Variants in CEP164 observed in about 807,000 individuals in gnomAD.
CEP164 encodes centrosomal protein 164.
CEP164 carries 162 observed loss-of-function variants against 182.7 expected under a neutral mutation model. That is an observed-to-expected ratio of 0.89 (90% CI 0.78 to 1.01). The LOEUF (loss-of-function observed/expected upper bound fraction) is 1.01, where lower values mean the gene tolerates loss of function less well. Among genes scored for constraint, CEP164 ranks in the 50% least tolerant of loss-of-function variants. CEP164 has a pLI of 0.00. For synonymous variants in CEP164, 661 were observed against 690.0 expected (o/e 0.96, Z 0.66); for missense variants, 1,735 against 1,790.4 (o/e 0.97, Z 0.56).
chr11:117,382,726 A>G (rs566780033), intron 13 of CEP164, 70 bp from the exon 14 acceptor site: 4 of 1,547,156 alleles, frequency 2.6e-6, no homozygotes, highest in Non-Finnish European at 3.5e-6. Context: ...TTTGACCCCA[A>G]ATGGCGTACA....
chr11:117,356,983 A>G (rs756929476), intron 5 of CEP164, among the ~76,000 whole-genome samples: 2 of 152,138 alleles, frequency 1.3e-5, no homozygotes, highest in Non-Finnish European at 2.9e-5. Context: ...AGTTTTTCCT[A>G]TCAGCTGATT....
At chr11:117,393,162 C>T (rs748942363) in intron 20 of CEP164, 36 bp downstream of exon 20, 2 of 1,601,600 alleles carry the variant, frequency 1.2e-6, no homozygotes, top group Non-Finnish European at 1.7e-6. Context: ...CATGCACACA[C>T]ATGCACACAC....
intron 4 of CEP164, among the ~76,000 whole-genome samples, chr11:117,346,359 A>G (rs1188189568): frequency 6.6e-6 from 1 of 151,454 alleles, no homozygotes; most frequent in Non-Finnish European, 1.5e-5. Context: ...ACCTCGGCTC[A>G]CTGCAGCCTC....
rs1218292786 is a variant in CEP164, at chr11:117,395,546, G to C, written c.2914-1G>C. ...GCTTCTATCTTTCCTTTTGCCCCTA[G>C]GAAGCCACAGCCACCCATCAGCAGC... On this transcript the variant is annotated splice_acceptor_variant, in intron 23 of 32. Coordinates refer to ENST00000278935, the MANE Select transcript of CEP164 (RefSeq NM_014956.5). LOFTEE classifies it high-confidence loss of function. 8 of 1,608,200 alleles carry C rather than the reference G, an allele frequency of 5.0e-6. No homozygotes were observed. Among genetic ancestry groups the C allele is most frequent in the Non-Finnish European group, 6.8e-6 (8 of 1,177,166 alleles).
At chr11:117,372,362 C>T (rs138414713) in intron 9 of CEP164, among the ~76,000 whole-genome samples, 36 of 151,610 alleles carry the variant, frequency 2.4e-4, no homozygotes, top group Non-Finnish European at 3.8e-4. Flanking sequence ...CTGCCCGCCT[C>T]GGCCTCCCCA....
intron 4 of CEP164, among the ~76,000 whole-genome samples, chr11:117,346,234 C>G (rs566619484): frequency 6.6e-6 from 1 of 151,930 alleles, no homozygotes; most frequent in Admixed American, 6.6e-5. Flanking sequence ...GTGGCTAACA[C>G]CCTTTTTTAT....
rs772061214 is a variant in CEP164 at position 117,371,036 on chromosome 11, C to T, written c.766-44C>T. 6.6e-5 allele frequency: 100 copies of T among 1,521,228 alleles called. 2 individuals carry two copies. In the East Asian group the frequency reaches 2.3e-3, roughly 34 times the overall value. The allele number at this position is 1,521,228 out of a possible 1,614,324, so 94.2% of individuals were successfully genotyped here. A position where few individuals can be genotyped will look rare whatever the true frequency, so the allele number is the denominator to read the frequency against. On this transcript the variant is annotated intron_variant, in intron 8 of 32. Transcript: ENST00000278935. ...GTAGCATGTCTCAACTCCTTTTGCA[C>T]ATTCCTTTTGTCTTCCTTTCTAACA... is the stretch of plus-strand genomic sequence containing the variant.
upstream of CEP164, among the ~76,000 whole-genome samples, chr11:117,323,662 G>T (rs1184447127): frequency 6.6e-6 from 1 of 152,016 alleles, no homozygotes; most frequent in African/African-American, 2.4e-5. Context: ...ATTTTTTGAG[G>T]AACCACCATA....
intron 23 of CEP164, 107 bp from the exon 24 acceptor site, chr11:117,395,440 C>A: frequency 2.4e-6 from 3 of 1,273,518 alleles, no homozygotes; most frequent in Non-Finnish European, 3.2e-6. Flanking sequence ...GCTCTGAATT[C>A]ATTCCCAGCC....
intron 10 of CEP164, among the ~76,000 whole-genome samples, chr11:117,374,647 C>A (rs2042552004): frequency 6.6e-6 from 1 of 152,198 alleles, no homozygotes; most frequent in Admixed American, 6.5e-5. Context: ...AACCCACAAG[C>A]TAGAAAGGGA....
At position 117,373,789 on chromosome 11, in the gene CEP164, C is replaced by G. The variant is rs763602671; in HGVS notation, c.1191C>G (p.Leu397=). 34 of 1,614,080 alleles carry G rather than the reference C, an allele frequency of 2.1e-5. No homozygotes were observed. In the East Asian group the frequency reaches 7.6e-4, roughly 36 times the overall value. Residue 397 remains leucine, a synonymous_variant, in exon 10 of 33, where the codon CTC becomes CTG. Coordinates refer to ENST00000278935, the MANE Select transcript of CEP164 (RefSeq NM_014956.5). ...GTGAACACATGAAGGAACCACAGCT[C>G]TCAGACTCCATAGCTTCTGACCCCA... ...EISEHMKEPQ[L]SDSIASDPKS...
At chr11:117,373,602 C>A in intron 9 of CEP164, 149 bp from the exon 10 acceptor site, 1 of 678,080 alleles carries the variant, frequency 1.5e-6, no homozygotes. Context: ...GCGGGGTCCA[C>A]AGGCCTCGTT....
intron 27 of CEP164, among the ~76,000 whole-genome samples, chr11:117,406,906 C>G (rs1005229100): frequency 2.0e-5 from 3 of 151,934 alleles, no homozygotes; most frequent in African/African-American, 7.3e-5. Flanking sequence ...CCAGACTGAC[C>G]AACATGGTGA....
intron 27 of CEP164, among the ~76,000 whole-genome samples, chr11:117,402,503 G>A (rs1344923698): frequency 1.3e-5 from 2 of 152,088 alleles, no homozygotes; most frequent in Non-Finnish European, 2.9e-5. Flanking sequence ...ACAGCCCTGA[G>A]CCACCACACC....
intron 27 of CEP164, among the ~76,000 whole-genome samples, chr11:117,406,937 T>G (rs534540117): frequency 6.6e-6 from 1 of 151,948 alleles, no homozygotes; most frequent in Admixed American, 6.6e-5. Flanking sequence ...CTACTAAAAA[T>G]TAAAAAATTA....
At chr11:117,338,692 G>A in intron 3 of CEP164, 24 bp downstream of exon 3, 3 of 1,545,774 alleles carry the variant, frequency 1.9e-6, no homozygotes, top group Non-Finnish European at 2.7e-6. Context: ...GAAGAGGCCT[G>A]TGGTGTATTG....
intron 27 of CEP164, among the ~76,000 whole-genome samples, chr11:117,404,144 C>T (rs2046430727): frequency 6.6e-6 from 1 of 152,078 alleles, no homozygotes; most frequent in Non-Finnish European, 1.5e-5. Flanking sequence ...CCCTCTGAAG[C>T]CTATTTCTGT....
chr11:117,338,799 G>A, intron 3 of CEP164, 131 bp downstream of exon 3: 1 of 706,920 alleles, frequency 1.4e-6, no homozygotes, highest in Non-Finnish European at 2.4e-6. Context: ...ATTCGGGTTA[G>A]ATCAAATGTG....
rs573158919 is a variant in CEP164, at chr11:117,345,029, G to A, written c.194+752G>A. On this transcript the variant is annotated intron_variant, in intron 4 of 32. Transcript: ENST00000278935. Reference sequence around the variant, plus strand: ...AAGAGGTTTGCAGTGAGGCCATGCAGACCAGCAAAGGGTTTCTGTGTCCCT... The same window carrying A: ...AAGAGGTTTGCAGTGAGGCCATGCAAACCAGCAAAGGGTTTCTGTGTCCCT... 4.6e-5 allele frequency among the ~76,000 whole-genome samples: 7 copies of A among 152,308 alleles called. No homozygotes were observed. The East Asian group carries it at 1.4e-3, about 29-fold the overall frequency.
Sources: allele counts gnomAD v4.1 joint callset (sites outside exome capture counted in the v4.1 genomes callset), GRCh38; gene constraint gnomAD v4.1.1; transcripts MANE v1.5; gene names NCBI Gene and HGNC (gene_info 2026-07-23, HGNC 2026-07-21).